The following ANO3 variants were observed in gnomAD, a reference collection of about 807,000 sequenced individuals.
ANO3 encodes the protein anoctamin 3.
In ANO3, 99 loss-of-function variants were observed where a neutral mutation model predicts 144.8. The ratio of observed to expected loss-of-function variants is 0.68; its 90% CI spans 0.58 to 0.81. The LOEUF (loss-of-function observed/expected upper bound fraction) is 0.81, where lower values mean the gene tolerates loss of function less well. ANO3 is among the 30% of genes least tolerant of loss of function. ANO3 has a pLI of 0.00. For missense variants in ANO3, 905 were observed against 1,202.2 expected (o/e 0.75, Z 3.66); for synonymous variants, 414 against 392.6 (o/e 1.05, Z -0.64).
intron 1 of ANO3, among the ~76,000 whole-genome samples, chr11:26,407,451 A>G (rs1158141864): frequency 1.3e-5 from 2 of 151,774 alleles, no homozygotes; most frequent in Non-Finnish European, 2.9e-5. Flanking sequence ...TTAGTATTAA[A>G]TGAATATTTT....
intron 14 of ANO3, among the ~76,000 whole-genome samples, chr11:26,562,813 T>C (rs947216270): frequency 6.6e-6 from 1 of 151,934 alleles, no homozygotes; most frequent in African/African-American, 2.4e-5. Context: ...GGTCATTTTT[T>C]CTGAATGTCC....
In ANO3 at chr11:26,214,113, T is replaced by C. The variant is rs11029394; in HGVS notation, c.154+24783T>C. On this transcript the variant is annotated intron_variant, in intron 1 of 27. Transcript: ENST00000672621. ...TACCAGCACACTGATTTCCAAATATTTTTCCATGAGATAAGTGTAATTTGA... is the reference window on the plus strand; with the variant it reads ...TACCAGCACACTGATTTCCAAATATCTTTCCATGAGATAAGTGTAATTTGA... 1.2e-3 allele frequency among the ~76,000 whole-genome samples: 178 copies of C among 152,056 alleles called. 2 individuals are homozygous for C. The East Asian group carries it at 0.027, about 23-fold the overall frequency.
chr11:26,439,605 G>A (rs151043662), intron 1 of ANO3, among the ~76,000 whole-genome samples: 4 of 152,262 alleles, frequency 2.6e-5, no homozygotes, highest in East Asian at 1.9e-4. Flanking sequence ...TAAAGGAATC[G>A]ATTTTATGGT....
chr11:26,460,456 G>A (rs1859352708), intron 3 of ANO3, among the ~76,000 whole-genome samples: 1 of 145,928 alleles, frequency 6.9e-6, no homozygotes, highest in African/African-American at 2.6e-5. Flanking sequence ...AAGAAGGAAA[G>A]AAGGAAGGAA....
At chr11:26,352,960 A>G (rs1053593583) in intron 1 of ANO3, among the ~76,000 whole-genome samples, 2 of 152,222 alleles carry the variant, frequency 1.3e-5, no homozygotes, top group African/African-American at 4.8e-5. Context: ...TCTTGACACC[A>G]TCACAAGAAA....
chr11:26,446,184 C>A (rs567455228), intron 3 of ANO3, among the ~76,000 whole-genome samples: 1 of 152,226 alleles, frequency 6.6e-6, no homozygotes, highest in East Asian at 1.9e-4. Context: ...CTGTTTTAAT[C>A]ATCTTTGAAA....
At chr11:26,205,027 C>T (rs1851770062) in intron 1 of ANO3, among the ~76,000 whole-genome samples, 1 of 152,106 alleles carries the variant, frequency 6.6e-6, no homozygotes, top group South Asian at 2.1e-4. Context: ...CAAACGAGTC[C>T]TTCCTCACAA....
chr11:26,450,122 C>A (rs1018867593), intron 3 of ANO3, among the ~76,000 whole-genome samples: 1 of 152,124 alleles, frequency 6.6e-6, no homozygotes, highest in Admixed American at 6.6e-5. Context: ...TTAGATGCTA[C>A]TTCCTTTCTA....
At chr11:26,234,460 C>G (rs1210193537) in intron 1 of ANO3, among the ~76,000 whole-genome samples, 1 of 152,174 alleles carries the variant, frequency 6.6e-6, no homozygotes, top group East Asian at 1.9e-4. Flanking sequence ...AGCAAGGCCA[C>G]TAACCAAGAG....
At chr11:26,572,037 T>A in intron 14 of ANO3, 1 of 976,162 alleles carries the variant, frequency 1.0e-6, no homozygotes, top group Non-Finnish European at 1.2e-6. Flanking sequence ...CAACGCACAC[T>A]TACCTTCAGG....
chr11:26,285,153 C>A (rs1181037980), intron 1 of ANO3, among the ~76,000 whole-genome samples: 1 of 151,672 alleles, frequency 6.6e-6, no homozygotes, highest in Non-Finnish European at 1.5e-5. Context: ...CAAACTTAAT[C>A]TTAATAAAGT....
chr11:26,515,673 C>T (rs1215364454), intron 5 of ANO3, among the ~76,000 whole-genome samples: 4 of 151,850 alleles, frequency 2.6e-5, no homozygotes, highest in Non-Finnish European at 5.9e-5. Context: ...TTCAATAATT[C>T]TACCCTACTC....
intron 1 of ANO3, among the ~76,000 whole-genome samples, chr11:26,365,485 C>A (rs1184758368): frequency 1.3e-5 from 2 of 152,212 alleles, no homozygotes; most frequent in African/African-American, 2.4e-5. Context: ...AGGGCTCCAC[C>A]CCTGCAGCAG....
intron 17 of ANO3, among the ~76,000 whole-genome samples, chr11:26,602,923 G>A (rs1256977453): frequency 6.6e-6 from 1 of 151,938 alleles, no homozygotes; most frequent in Non-Finnish European, 1.5e-5. Flanking sequence ...AGCCTTTCTG[G>A]GGAAAAGATA....
chr11:26,559,872 AC>A (rs1850218392), intron 14 of ANO3, 93 bp downstream of exon 14: 2 of 803,458 alleles, frequency 2.5e-6, no homozygotes, highest in African/African-American at 3.5e-5. Flanking sequence ...ACACACACAC[AC>A]ACCATGAATC....
chr11:26,617,232 C>T (rs769034377), intron 17 of ANO3, among the ~76,000 whole-genome samples: 5 of 152,340 alleles, frequency 3.3e-5, no homozygotes, highest in Admixed American at 6.5e-5. Flanking sequence ...TCCTCAGTTA[C>T]CACACCTTCC....
chr11:26,556,503 C>T (rs293968), intron 13 of ANO3, among the ~76,000 whole-genome samples: 133,778 of 151,976 alleles, frequency 0.88, 59,415 homozygotes, highest in East Asian at 0.96. Context: ...TACATCAGAT[C>T]ATCTAGAACA....
rs762455799 is a variant in ANO3, at chr11:26,531,242, G to A, written c.775G>A (p.Ala259Thr). 1.2e-6 allele frequency: 2 copies of A among 1,613,862 alleles called. No homozygotes were observed. The highest frequency in any genetic ancestry group is 2.7e-5 in the African/African-American group (2 of 74,872). Reference sequence around the variant, plus strand: ...TTTTAGAAGAATCAAAAACTGGATGGCCCAAAACCCAATGGTTCTTGACAA... The same window carrying A: ...TTTTAGAAGAATCAAAAACTGGATGACCCAAAACCCAATGGTTCTTGACAA... ...TYFRRIKNWM[A>T]QNPMVLDKSA... The change falls in exon 8 of 27, where the codon GCC becomes ACC. Residue 259 changes from alanine to threonine, a missense_variant. This residue lies in a region of ANO3 where 71 missense variants were observed against 57.9 expected (regional missense o/e 1.23). Coordinates refer to ENST00000256737, the MANE Select transcript of ANO3 (RefSeq NM_031418.4).
chr11:26,325,789 G>T (rs552431792), intron 1 of ANO3, among the ~76,000 whole-genome samples: 4 of 152,134 alleles, frequency 2.6e-5, no homozygotes, highest in Non-Finnish European at 5.9e-5. Context: ...GGTCAAACCA[G>T]CCATAAAGAT....
Sources: gnomAD v4.1 joint callset for allele counts (sites outside exome capture counted in the v4.1 genomes callset) on GRCh38, gnomAD v4.1.1 for gene constraint, gnomAD v4.1.1 regional missense constraint, MANE v1.5 for transcripts, NCBI Gene and HGNC (gene_info 2026-07-23, HGNC 2026-07-21) for gene names.